SRSF1: variants seen among roughly 807,000 people sequenced by gnomAD.
SRSF1 encodes serine/arginine-rich splicing factor 1.
Under a neutral mutation model 25.9 loss-of-function variants are expected in SRSF1, and 1 was observed. That is an observed-to-expected ratio of 0.04 (90% CI 0.01 to 0.18). SRSF1 has a LOEUF of 0.18. Among genes scored for constraint, SRSF1 ranks in the 10% least tolerant of loss-of-function variants. SRSF1 has a pLI of 1.00. For synonymous variants in SRSF1, 132 were observed against 126.2 expected (o/e 1.05, Z -0.31); for missense variants, 65 against 350.5 (o/e 0.19, Z 6.50).
chr17:58,004,910 C>G lies in SRSF1; in HGVS notation c.*496G>C, dbSNP rs932602632. 2.5e-6 allele frequency: 1 copy of G among 401,288 alleles called. No homozygotes were observed. The highest frequency in any genetic ancestry group is 3.6e-5 in the East Asian group (1 of 28,120). 24.9% of individuals were successfully genotyped at this position (401,288 alleles called of 1,614,324 possible). On this transcript the variant is annotated 3_prime_UTR_variant, in exon 4 of 4. Coordinates refer to ENST00000258962, the MANE Select transcript of SRSF1 (RefSeq NM_006924.5). Reference sequence around the variant, plus strand: ...GCCAATTTCATCTGTGACAATAGCACTTGGAGTCATACCATTGCCTCCATT... The same window carrying G: ...GCCAATTTCATCTGTGACAATAGCAGTTGGAGTCATACCATTGCCTCCATT...
rs2075418522 is a variant in SRSF1 at position 58,005,184 on chromosome 17, A to G, written c.*222T>C. The G allele has an allele frequency of 1.7e-6, 1 of 590,694 alleles. No homozygotes were observed. The highest frequency in any genetic ancestry group is 3.0e-6 in the Non-Finnish European group (1 of 335,422). 36.6% of individuals were successfully genotyped at this position (590,694 alleles called of 1,614,324 possible). ...ATCACAGTCTGAAGAGTATGGAGTTAACTAAATTTAAACAATCCTGTCTAT... is the reference window on the plus strand; with the variant it reads ...ATCACAGTCTGAAGAGTATGGAGTTGACTAAATTTAAACAATCCTGTCTAT... On this transcript the variant is annotated 3_prime_UTR_variant, in exon 4 of 4. Coordinates refer to ENST00000258962, the MANE Select transcript of SRSF1 (RefSeq NM_006924.5). The surrounding 1 kb of genome is among the most constrained non-coding windows in gnomAD (Gnocchi z 5.2).
At chr17:58,006,644 C>G in intron 1 of SRSF1, 117 bp from the exon 2 acceptor site, 1 of 1,241,596 alleles carries the variant, frequency 8.1e-7, no homozygotes, top group Non-Finnish European at 1.1e-6. Context: ...CCACATGCGC[C>G]GCATAATAGG....
At position 58,003,392 on chromosome 17, in the gene SRSF1, A is replaced by G. The variant is rs1339394012; in HGVS notation, c.*2014T>C. On this transcript the variant is annotated 3_prime_UTR_variant, in exon 4 of 4. Coordinates refer to ENST00000258962, the MANE Select transcript of SRSF1 (RefSeq NM_006924.5). ...TTAAGAACTTTTAATTTGCTAACAC[A>G]TTAACACAAGAGTCAAAATCTTATC... 6.6e-6 allele frequency: 1 copy of G among 152,262 alleles called. No individual in the cohort carries two copies. The highest frequency in any genetic ancestry group is 1.5e-5 in the Non-Finnish European group (1 of 68,050). The allele number at this position is 152,262 out of a possible 1,614,324, so 9.4% of individuals were successfully genotyped here.
downstream of SRSF1, among the ~76,000 whole-genome samples, chr17:57,999,552 C>T (rs143864511): frequency 3.9e-5 from 6 of 152,238 alleles, no homozygotes; most frequent in South Asian, 8.3e-4. Flanking sequence ...GGTAAAGTTG[C>T]AAGAAAACTT....
At chr17:58,006,826 G>A in intron 1 of SRSF1, 118 bp downstream of exon 1, 1 of 1,265,692 alleles carries the variant, frequency 7.9e-7, no homozygotes, top group Non-Finnish European at 1.1e-6. Context: ...GGGCGATACA[G>A]TCTCGCCCCA....
At chr17:57,994,665 G>A in the SRSF1 span, 33 of 152,302 alleles carry the variant, frequency 2.2e-4, no homozygotes, top group African/African-American at 7.5e-4. Flanking sequence ...AGGCTGTGGT[G>A]AGAATTCCAA....
chr17:57,998,024 G>A (rs555632514), downstream of SRSF1, among the ~76,000 whole-genome samples: 1 of 152,064 alleles, frequency 6.6e-6, no homozygotes, highest in African/African-American at 2.4e-5. Flanking sequence ...GAGACCAGCT[G>A]AGCCAACATA....
At chr17:57,998,778 C>T (rs1293611478), downstream of SRSF1, among the ~76,000 whole-genome samples, 1 of 152,166 alleles carries the variant, frequency 6.6e-6, no homozygotes, top group African/African-American at 2.4e-5. Flanking sequence ...TTACTTTTCC[C>T]CCCACAAGAA....
At chr17:58,006,085 G>C in intron 2 of SRSF1, 112 bp from the exon 3 acceptor site, 1 of 1,054,162 alleles carries the variant, frequency 9.5e-7, no homozygotes, top group Non-Finnish European at 1.3e-6. Flanking sequence ...GTGTACTTAA[G>C]TGATACCAGG....
chr17:57,998,960 G>A (rs146127391), downstream of SRSF1, among the ~76,000 whole-genome samples: 31 of 152,332 alleles, frequency 2.0e-4, no homozygotes, highest in African/African-American at 7.2e-4. Flanking sequence ...CAGGAGACAA[G>A]TTTGTGTCCT....
downstream of SRSF1, among the ~76,000 whole-genome samples, chr17:57,996,210 C>T (rs529167937): frequency 1.6e-4 from 24 of 152,188 alleles, 1 homozygote; most frequent in South Asian, 4.6e-3. Flanking sequence ...GGGAGCCGGG[C>T]GCGGTGGCTT....
At chr17:58,006,657 T>A in intron 1 of SRSF1, 130 bp from the exon 2 acceptor site, 1 of 1,138,978 alleles carries the variant, frequency 8.8e-7, no homozygotes, top group African/African-American at 1.6e-5. Flanking sequence ...ATAATAGGAA[T>A]GGCCCCTCCC....
At chr17:57,997,074 G>C (rs1054475488), downstream of SRSF1, among the ~76,000 whole-genome samples, 10 of 152,102 alleles carry the variant, frequency 6.6e-5, no homozygotes, top group Non-Finnish European at 1.3e-4. Context: ...ACTGAAAAAG[G>C]ATACCTAGGA....
In SRSF1 at chr17:58,005,846, G is replaced by A. The variant is rs1479364412; in HGVS notation, c.507C>T (p.Thr169=). Reference sequence around the variant, plus strand: ...TGTTATCCAGTTTTCGAACTGCATAGGTCATATCTTCTTTCCGTACAAACT... The same window carrying A: ...TGTTATCCAGTTTTCGAACTGCATAAGTCATATCTTCTTTCCGTACAAACT... The part of the protein sequence containing the change: ...VVEFVRKEDM[T]YAVRKLDNTK... Residue 169 remains threonine (T), a synonymous_variant, in exon 3 of 4, where the codon ACC becomes ACT. Coordinates refer to ENST00000258962, the MANE Select transcript of SRSF1 (RefSeq NM_006924.5). This position sits in a 1 kb window ranked among gnomAD's most constrained non-coding sequence, Gnocchi z 5.2. The A allele has an allele frequency of 6.2e-7, 1 of 1,614,052 alleles. No homozygotes were observed.
At chr17:57,996,098 A>T (rs1301652583), downstream of SRSF1, among the ~76,000 whole-genome samples, 2 of 152,216 alleles carry the variant, frequency 1.3e-5, no homozygotes, top group East Asian at 3.8e-4. Context: ...CCTGCCTAAG[A>T]TTTCAATAAT....
At chr17:58,000,223 C>T (rs2075381076), downstream of SRSF1, among the ~76,000 whole-genome samples, 3 of 152,088 alleles carry the variant, frequency 2.0e-5, no homozygotes, top group South Asian at 6.2e-4. Context: ...TAGGCATTAG[C>T]TTTCAAAGCT....
chr17:58,005,363 A>G lies in SRSF1; in HGVS notation c.*43T>C. Reference sequence around the variant, plus strand: ...AAAAGATTGTACTGAATAAAGGAAAACTGTATACAACATGGGTTCTACAAA... The same window carrying G: ...AAAAGATTGTACTGAATAAAGGAAAGCTGTATACAACATGGGTTCTACAAA... On this transcript the variant is annotated 3_prime_UTR_variant, in exon 4 of 4. Coordinates refer to ENST00000258962, the MANE Select transcript of SRSF1 (RefSeq NM_006924.5). The surrounding 1 kb of genome is among the most constrained non-coding windows in gnomAD (Gnocchi z 5.2). 1 of 1,601,246 alleles carries G rather than the reference A, an allele frequency of 6.2e-7. No individual in the cohort carries two copies. The highest frequency in any genetic ancestry group is 8.5e-7 in the Non-Finnish European group (1 of 1,169,826).
At chr17:57,998,771 CT>C (rs1426373004), downstream of SRSF1, among the ~76,000 whole-genome samples, 1 of 152,202 alleles carries the variant, frequency 6.6e-6, no homozygotes, top group African/African-American at 2.4e-5. Context: ...AACTTGATTA[CT>C]TTTCCCCCCA....
chr17:57,994,439 T>C, the SRSF1 span: 1 of 152,184 alleles, frequency 6.6e-6, no homozygotes, highest in Non-Finnish European at 1.5e-5. Context: ...GGTTTGGAGT[T>C]TGTTCCAGTG....
Sources: gnomAD v4.1 joint callset for allele counts (sites outside exome capture counted in the v4.1 genomes callset) on GRCh38, gnomAD v4.1.1 for gene constraint, Gnocchi (gnomAD v3.1) non-coding constraint, MANE v1.5 for transcripts, NCBI Gene and HGNC (gene_info 2026-07-23, HGNC 2026-07-21) for gene names.